Variants in NGF observed in about 807,000 individuals in gnomAD.
NGF encodes the protein nerve growth factor, also known as beta-nerve growth factor.
A neutral mutation model predicts 12.8 loss-of-function variants in NGF; 4 were observed. That is an observed-to-expected ratio of 0.31 (90% CI 0.15 to 0.72). The LOEUF (loss-of-function observed/expected upper bound fraction) is 0.72, where lower values mean the gene tolerates loss of function less well. Among genes scored for constraint, NGF ranks in the 30% least tolerant of loss-of-function variants. The probability of loss-of-function intolerance (pLI) is 0.69; values close to 1 mark genes in which losing one functional copy is unlikely to be tolerated. For missense variants in NGF, 283 were observed against 330.8 expected (o/e 0.86, Z 1.12); for synonymous variants, 140 against 130.0 (o/e 1.08, Z -0.52).
chr1:115,302,753 A>G (rs1389133361), intron 1 of NGF, among the ~76,000 whole-genome samples: 1 of 152,110 alleles, frequency 6.6e-6, no homozygotes, highest in Non-Finnish European at 1.5e-5. Flanking sequence ...TGACTGCCAC[A>G]GCTCCCTCTG....
At chr1:115,333,736 TTC>T (rs1655018890) in intron 1 of NGF, among the ~76,000 whole-genome samples, 1 of 124,248 alleles carries the variant, frequency 8.0e-6, no homozygotes, top group Non-Finnish European at 1.6e-5. Context: ...CCTTCTTTCT[TTC>T]TTTCTTCCTT....
At chr1:115,311,894 G>T (rs1304300745) in intron 1 of NGF, among the ~76,000 whole-genome samples, 1 of 152,114 alleles carries the variant, frequency 6.6e-6, no homozygotes, top group Non-Finnish European at 1.5e-5. Flanking sequence ...GAAATTGCCA[G>T]CAAGAAATTA....
At chr1:115,324,487 G>A (rs1401441780) in intron 1 of NGF, among the ~76,000 whole-genome samples, 1 of 151,920 alleles carries the variant, frequency 6.6e-6, no homozygotes, top group Non-Finnish European at 1.5e-5. Flanking sequence ...CTCCATTCCT[G>A]ACCTGAGCCA....
chr1:115,314,085 A>G (rs1394825250), intron 1 of NGF, among the ~76,000 whole-genome samples: 1 of 152,212 alleles, frequency 6.6e-6, no homozygotes, highest in Non-Finnish European at 1.5e-5. Context: ...ACACAATTCC[A>G]AAGTCAAGGA....
chr1:115,286,303 T>C lies in NGF; in HGVS notation c.493A>G (p.Ile165Val), dbSNP rs1412259605. 4 of 1,614,084 alleles carry C rather than the reference T, an allele frequency of 2.5e-6. No individual in the cohort carries two copies. Among genetic ancestry groups the C allele is most frequent in the South Asian group, 2.2e-5 (2 of 91,070 alleles). The change falls in exon 3 of 3, where the codon ATT becomes GTT. Residue 165 changes from isoleucine (I) to valine (V), a missense_variant. This residue lies in a region of NGF where 132 missense variants were observed against 189.2 expected (regional missense o/e 0.70). Transcript: ENST00000369512. ...KEVMVLGEVNINNSVFKQYFF... is the reference protein window; with the variant it reads ...KEVMVLGEVNVNNSVFKQYFF... ...TACTGTTTGAATACACTGTTGTTAA[T>C]GTTCACCTCTCCCAACACCATCACC...
intron 1 of NGF, among the ~76,000 whole-genome samples, chr1:115,295,284 C>A (rs1571076302): frequency 1.3e-5 from 2 of 152,186 alleles, no homozygotes; most frequent in Non-Finnish European, 2.9e-5. Context: ...CTCCATTCTT[C>A]TTCCTTTCCC....
chr1:115,326,191 G>A (rs531548291), intron 1 of NGF, among the ~76,000 whole-genome samples: 1 of 152,074 alleles, frequency 6.6e-6, no homozygotes, highest in Admixed American at 6.6e-5. Flanking sequence ...GGCCAGGGAG[G>A]AGGACTAATG....
At chr1:115,297,917 A>G (rs1347605778) in intron 1 of NGF, among the ~76,000 whole-genome samples, 1 of 152,230 alleles carries the variant, frequency 6.6e-6, no homozygotes, top group African/African-American at 2.4e-5. Context: ...AAAGCTCCCT[A>G]GGTGATCCCA....
chr1:115,307,154 T>A (rs116751728), intron 1 of NGF, among the ~76,000 whole-genome samples: 2,180 of 152,294 alleles, frequency 0.014, 52 homozygotes, highest in African/African-American at 0.05. Flanking sequence ...TGGAACAAAC[T>A]AAGTGAGCTG....
chr1:115,324,477 C>A (rs1654715806), intron 1 of NGF, among the ~76,000 whole-genome samples: 1 of 152,056 alleles, frequency 6.6e-6, no homozygotes, highest in Non-Finnish European at 1.5e-5. Flanking sequence ...CTATACTGGG[C>A]TCCATTCCTG....
chr1:115,286,626 G>A lies in NGF; in HGVS notation c.170C>T (p.Ala57Val), dbSNP rs770647680. The change falls in exon 3 of 3, where the codon GCG becomes GTG. Residue 57 changes from alanine (A) to valine (V), a missense_variant. By Grantham distance (64) the Ala-to-Val change is moderately conservative. Around this residue, in one of 2 missense-constraint regions of NGF, gnomAD observed 151 missense variants for 141.6 expected, o/e 1.07. Transcript: ENST00000369512. ...CCCCGCCACGCGTGCAGCTATCGCCGCTGCCGGGGCGCTGCGGGCTCTGCG... is the reference window on the plus strand; with the variant it reads ...CCCCGCCACGCGTGCAGCTATCGCCACTGCCGGGGCGCTGCGGGCTCTGCG... ...ALRRARSAPA[A>V]AIAARVAGQT... 74 of 1,614,112 alleles carry A rather than the reference G, an allele frequency of 4.6e-5. No homozygotes were observed. Among genetic ancestry groups the A allele is most frequent in the Non-Finnish European group, 5.7e-5 (67 of 1,180,046 alleles).
In NGF at chr1:115,329,245, G is replaced by A. The variant is rs150596434; in HGVS notation, c.-137+8959C>T. Among the ~76,000 whole-genome samples the A allele has an allele frequency of 3.1e-4, 47 of 152,250 alleles. No individual in the cohort carries two copies. In the East Asian group the frequency reaches 8.5e-3, roughly 27 times the overall value. ...TGGCAGGCACAGAACTTCATAGTAT[G>A]TACTTCATACATCTATGTATGTACT... is the stretch of plus-strand genomic sequence containing the variant. On this transcript the variant is annotated intron_variant, in intron 1 of 2. Transcript: ENST00000369512.
At chr1:115,294,610 T>G (rs1653806534) in intron 1 of NGF, among the ~76,000 whole-genome samples, 1 of 152,206 alleles carries the variant, frequency 6.6e-6, no homozygotes, top group African/African-American at 2.4e-5. Flanking sequence ...TTACAGGGTC[T>G]GATGATAGAG....
chr1:115,291,496 C>A (rs1339558556), intron 2 of NGF, among the ~76,000 whole-genome samples: 2 of 152,144 alleles, frequency 1.3e-5, no homozygotes, highest in East Asian at 3.9e-4. Flanking sequence ...CAGTTAGGGG[C>A]TCACATGAAC....
intron 1 of NGF, among the ~76,000 whole-genome samples, chr1:115,308,640 G>A (rs1654263728): frequency 6.6e-6 from 1 of 152,028 alleles, no homozygotes; most frequent in Non-Finnish European, 1.5e-5. Flanking sequence ...ATGGCCTTTT[G>A]TTATAAGAGG....
chr1:115,322,643 A>T (rs1217950981), intron 1 of NGF, among the ~76,000 whole-genome samples: 1 of 152,236 alleles, frequency 6.6e-6, no homozygotes, highest in East Asian at 1.9e-4. Context: ...TGATAACAAC[A>T]ACTCTAAAGT....
At chr1:115,335,341 C>G (rs1030232929) in intron 1 of NGF, among the ~76,000 whole-genome samples, 2 of 152,184 alleles carry the variant, frequency 1.3e-5, no homozygotes, top group African/African-American at 4.8e-5. Flanking sequence ...TGTTATCAAG[C>G]GATGTCTCAT....
At chr1:115,337,706 C>T (rs574137468) in intron 1 of NGF, among the ~76,000 whole-genome samples, 2 of 152,114 alleles carry the variant, frequency 1.3e-5, no homozygotes, top group African/African-American at 2.4e-5. Flanking sequence ...CGCTCCTCCC[C>T]CTACCTGGGG....
chr1:115,305,667 T>A (rs1162268589), intron 1 of NGF, among the ~76,000 whole-genome samples: 1 of 152,216 alleles, frequency 6.6e-6, no homozygotes, highest in African/African-American at 2.4e-5. Context: ...TCCCTCCTCA[T>A]GAAGTAATCT....
Sources: allele counts gnomAD v4.1 joint callset (sites outside exome capture counted in the v4.1 genomes callset), GRCh38; gene constraint gnomAD v4.1.1; regional missense constraint gnomAD v4.1.1; transcripts MANE v1.5; gene names NCBI Gene and HGNC (gene_info 2026-07-23, HGNC 2026-07-21).